Variants in RALYL observed in about 807,000 individuals in gnomAD.
RALYL encodes RALY RNA binding protein like, also known as RNA-binding Raly-like protein.
A neutral mutation model predicts 35.1 loss-of-function variants in RALYL; 29 were observed. The observed-to-expected ratio is 0.83, with a 90% CI of 0.61 to 1.13. The LOEUF is 1.13. RALYL is among the 50% of genes most tolerant of loss of function. RALYL has a pLI of 0.00. For missense variants in RALYL, 359 were observed against 360.4 expected (o/e 1.00, Z 0.03); for synonymous variants, 120 against 127.6 (o/e 0.94, Z 0.40).
intron 1 of RALYL, among the ~76,000 whole-genome samples, chr8:84,247,304 G>A (rs1437523519): frequency 2.0e-5 from 3 of 151,988 alleles, no homozygotes; most frequent in East Asian, 3.9e-4. Context: ...GTTTTTCTTG[G>A]TGTTTCTTTA....
At chr8:84,664,957 T>C (rs1016703016) in intron 2 of RALYL, among the ~76,000 whole-genome samples, 9 of 152,150 alleles carry the variant, frequency 5.9e-5, no homozygotes, top group Admixed American at 5.9e-4. Flanking sequence ...ATATTGGTTG[T>C]GGGTTTGTCA....
intron 2 of RALYL, among the ~76,000 whole-genome samples, chr8:84,533,981 G>A (rs932675277): frequency 2.0e-5 from 3 of 152,230 alleles, no homozygotes; most frequent in East Asian, 1.9e-4. Flanking sequence ...TGCATCCAGA[G>A]TGATCTTTTC....
chr8:84,447,782 T>C (rs2133112799), intron 1 of RALYL, among the ~76,000 whole-genome samples: 1 of 152,186 alleles, frequency 6.6e-6, no homozygotes, highest in African/African-American at 2.4e-5. Context: ...TATTTGGGTA[T>C]ATTAGTGTGA....
In RALYL at chr8:84,436,543, G is replaced by GT. The variant is rs150233257; in HGVS notation, c.-23-92728dup. ...GAGTGTCTTTTCAACAATCATGGGA[G>GT]TTTTTTTTTTTTTTTTTTTTTTTTT... On this transcript the variant is annotated intron_variant, in intron 1 of 8. Transcript: ENST00000521268. 8.1e-3 allele frequency among the ~76,000 whole-genome samples: 507 copies of GT among 62,400 alleles called. 15 individuals are homozygous for GT. Among genetic ancestry groups the GT allele is most frequent in the Non-Finnish European group, 0.011 (415 of 36,440 alleles). 40.9% of individuals were successfully genotyped at this position (62,400 alleles called of 152,430 possible).
chr8:84,274,782 T>C (rs1835026633), intron 1 of RALYL, among the ~76,000 whole-genome samples: 1 of 152,196 alleles, frequency 6.6e-6, no homozygotes, highest in Non-Finnish European at 1.5e-5. Flanking sequence ...ACTAAAGCTG[T>C]ATAAATGTCT....
At chr8:84,520,036 A>C (rs1349454174) in intron 1 of RALYL, among the ~76,000 whole-genome samples, 1 of 152,238 alleles carries the variant, frequency 6.6e-6, no homozygotes, top group Non-Finnish European at 1.5e-5. Flanking sequence ...CACTAAAGGA[A>C]GCTTGTTTAT....
chr8:84,490,487 G>A (rs1242541481), intron 1 of RALYL, among the ~76,000 whole-genome samples: 3 of 151,788 alleles, frequency 2.0e-5, no homozygotes. Context: ...TACTTCCTTT[G>A]GACACTGAAG....
intron 1 of RALYL, among the ~76,000 whole-genome samples, chr8:84,202,897 T>G (rs1817235991): frequency 6.6e-6 from 1 of 152,220 alleles, no homozygotes; most frequent in Non-Finnish European, 1.5e-5. Context: ...TATTAGCTTT[T>G]GAGTACAAAT....
At chr8:84,722,410 G>T (rs1012687543) in intron 2 of RALYL, among the ~76,000 whole-genome samples, 3 of 151,496 alleles carry the variant, frequency 2.0e-5, no homozygotes, top group Non-Finnish European at 2.9e-5. Flanking sequence ...GGGTAAAGTG[G>T]CCAAGGTCAT....
chr8:84,389,230 G>A (rs544714984), intron 1 of RALYL, among the ~76,000 whole-genome samples: 4,295 of 152,188 alleles, frequency 0.028, 198 homozygotes, highest in African/African-American at 0.098. Context: ...GTACCATGCT[G>A]TTTTGGTTAC....
At chr8:84,401,783 A>G (rs2042939859) in intron 1 of RALYL, among the ~76,000 whole-genome samples, 1 of 151,842 alleles carries the variant, frequency 6.6e-6, no homozygotes, top group Admixed American at 6.6e-5. Flanking sequence ...ACATATTGAA[A>G]TGGGTTATGA....
chr8:84,683,420 C>T (rs1238152076), intron 2 of RALYL, among the ~76,000 whole-genome samples: 1 of 152,078 alleles, frequency 6.6e-6, no homozygotes, highest in Non-Finnish European at 1.5e-5. Context: ...TCTCGTTGAT[C>T]TTTCTAATGT....
chr8:84,858,384 A>G (rs761989128), intron 5 of RALYL, among the ~76,000 whole-genome samples: 1 of 152,186 alleles, frequency 6.6e-6, no homozygotes, highest in African/African-American at 2.4e-5. Context: ...ATAAACCATT[A>G]TCTATTTGAT....
intron 1 of RALYL, among the ~76,000 whole-genome samples, chr8:84,269,937 T>C (rs1276388723): frequency 4.6e-5 from 7 of 152,144 alleles, no homozygotes; most frequent in Admixed American, 1.3e-4. Context: ...TCCAAAATTT[T>C]AAAGAGTAAA....
At chr8:84,558,703 G>T (rs529368942) in intron 2 of RALYL, among the ~76,000 whole-genome samples, 13 of 151,988 alleles carry the variant, frequency 8.6e-5, no homozygotes, top group East Asian at 1.9e-4. Context: ...ATTTCTGGTC[G>T]CTGGAGAGGA....
At chr8:84,850,281 A>C (rs545727892) in intron 5 of RALYL, among the ~76,000 whole-genome samples, 1 of 152,338 alleles carries the variant, frequency 6.6e-6, no homozygotes, top group East Asian at 1.9e-4. Context: ...TTTAGATAAA[A>C]TCCTAAAGAT....
chr8:84,307,103 G>A (rs73296739), intron 1 of RALYL, among the ~76,000 whole-genome samples: 3,089 of 152,234 alleles, frequency 0.02, 114 homozygotes, highest in African/African-American at 0.07. Flanking sequence ...CACACTGTCA[G>A]CTAAGGTGAT....
In RALYL at chr8:84,317,597, G is replaced by A. The variant is rs1586228923; in HGVS notation, c.-24+133173G>A. Among the ~76,000 whole-genome samples the A allele has an allele frequency of 3.3e-5, 5 of 152,298 alleles. No homozygotes were observed. In the East Asian group the frequency reaches 5.8e-4, roughly 18 times the overall value. On this transcript the variant is annotated intron_variant, in intron 1 of 8. Transcript: ENST00000521268. ...TTTCTAAAGCAATAACCAACAGAGG[G>A]AATGTGTTTGCCATGATTAGCTTAG...
chr8:84,325,276 A>G (rs949897522), intron 1 of RALYL, among the ~76,000 whole-genome samples: 1 of 152,164 alleles, frequency 6.6e-6, no homozygotes, highest in Non-Finnish European at 1.5e-5. Flanking sequence ...AGTTGTTCTC[A>G]ATAGCCTAGT....
Sources: gnomAD v4.1 joint callset for allele counts (sites outside exome capture counted in the v4.1 genomes callset) on GRCh38, gnomAD v4.1.1 for gene constraint, MANE v1.5 for transcripts, NCBI Gene and HGNC (gene_info 2026-07-23, HGNC 2026-07-21) for gene names.